STIM2: variants seen among roughly 807,000 people sequenced by gnomAD.
STIM2 encodes stromal interaction molecule 2.
In STIM2, 31 loss-of-function variants were observed where a neutral mutation model predicts 85.8. That is an observed-to-expected ratio of 0.36 (90% CI 0.27 to 0.49). The LOEUF (loss-of-function observed/expected upper bound fraction) is 0.49, where lower values mean the gene tolerates loss of function less well. STIM2 is among the 20% of genes least tolerant of loss of function. The probability of loss-of-function intolerance (pLI) is 0.98; values close to 1 mark genes in which losing one functional copy is unlikely to be tolerated. For synonymous variants in STIM2, 356 were observed against 331.1 expected (o/e 1.08, Z -0.82); for missense variants, 841 against 927.6 (o/e 0.91, Z 1.21).
rs554940517 is a variant in STIM2 at position 27,024,363 on chromosome 4, G to T, written c.*1367G>T. 6.6e-6 allele frequency: 1 copy of T among 152,254 alleles called. No homozygotes were observed. Among genetic ancestry groups the T allele is most frequent in the Non-Finnish European group, 1.5e-5 (1 of 68,018 alleles). The allele number at this position is 152,254 out of a possible 1,614,324, so 9.4% of individuals were successfully genotyped here. On this transcript the variant is annotated 3_prime_UTR_variant, in exon 12 of 12. Coordinates refer to ENST00000467087, the MANE Select transcript of STIM2 (RefSeq NM_020860.4). The stretch of plus-strand genomic sequence containing the variant: ...AAAAATATGCAATCATAAGTGATTT[G>T]GTTACTGCAATGCAGATGGATGTTT...
chr4:26,999,760 A>G (rs1052817530), intron 5 of STIM2, among the ~76,000 whole-genome samples: 3 of 152,206 alleles, frequency 2.0e-5, no homozygotes, highest in Non-Finnish European at 4.4e-5. Context: ...CACCAAGAAA[A>G]TGGATTTTTA....
chr4:26,903,410 T>C (rs1723999310), intron 1 of STIM2, among the ~76,000 whole-genome samples: 1 of 152,222 alleles, frequency 6.6e-6, no homozygotes. Flanking sequence ...GGTTTTGTTA[T>C]ACACACGTGC....
At position 26,873,879 on chromosome 4, in the gene STIM2, GCTC is replaced by G. The variant is rs1197106851; in HGVS notation, c.151+12513_151+12515del. The G allele has an allele frequency of 2.3e-6, 3 of 1,284,822 alleles. No individual in the cohort carries two copies. In the African/African-American group the frequency reaches 4.4e-5, roughly 19 times the overall value. The allele number at this position is 1,284,822 out of a possible 1,614,324, so 79.6% of individuals were successfully genotyped here. On this transcript the variant is annotated intron_variant, in intron 1 of 11. Coordinates refer to ENST00000467087, the MANE Select transcript of STIM2 (RefSeq NM_020860.4). ...CCCATCCGGGCAGAGAGGCAGTGAT[GCTC>G]CTTCTCCCAGGGGTCTGCGGCTGAG...
intron 7 of STIM2, 104 bp downstream of exon 7, chr4:27,003,208 G>C (rs760073122): frequency 1.8e-6 from 2 of 1,085,036 alleles, no homozygotes; most frequent in Non-Finnish European, 2.5e-6. Context: ...TTCCACTGTA[G>C]TTCCTCAGTT....
intron 3 of STIM2, among the ~76,000 whole-genome samples, chr4:26,981,227 C>T (rs1262249726): frequency 1.3e-5 from 2 of 152,112 alleles, no homozygotes; most frequent in African/African-American, 4.8e-5. Flanking sequence ...CTAATAAGTA[C>T]CCACCCCCCA....
chr4:26,868,786 G>T (rs901125556), intron 1 of STIM2, among the ~76,000 whole-genome samples: 1 of 151,822 alleles, frequency 6.6e-6, no homozygotes, highest in African/African-American at 2.4e-5. Flanking sequence ...CATTAATGAC[G>T]TGTATGTAAT....
intron 7 of STIM2, among the ~76,000 whole-genome samples, chr4:27,004,748 T>C (rs142460811): frequency 7.3e-4 from 111 of 152,316 alleles, no homozygotes; most frequent in African/African-American, 2.6e-3. Flanking sequence ...ATAATCTCAT[T>C]AGATCCTTGG....
chr4:27,003,454 A>G (rs1378596909), intron 7 of STIM2, among the ~76,000 whole-genome samples: 1 of 152,216 alleles, frequency 6.6e-6, no homozygotes, highest in Non-Finnish European at 1.5e-5. Context: ...CTTCTCTGCA[A>G]AGGTAAAGGA....
chr4:26,912,711 C>T (rs1724388232), intron 1 of STIM2, among the ~76,000 whole-genome samples: 1 of 152,174 alleles, frequency 6.6e-6, no homozygotes, highest in Non-Finnish European at 1.5e-5. Flanking sequence ...TCTGTCCCCA[C>T]TATCATTTCT....
chr4:26,906,000 T>C (rs928779500), intron 1 of STIM2, among the ~76,000 whole-genome samples: 4 of 152,150 alleles, frequency 2.6e-5, no homozygotes, highest in Admixed American at 2.0e-4. Context: ...AAAATACATA[T>C]AAGGCCAGTT....
intron 4 of STIM2, among the ~76,000 whole-genome samples, chr4:26,996,744 CAG>C (rs1362965059): frequency 2.0e-5 from 3 of 151,612 alleles, no homozygotes; most frequent in Non-Finnish European, 4.4e-5. Context: ...TAAATTAAAA[CAG>C]AGTCAAACAT....
intron 1 of STIM2, among the ~76,000 whole-genome samples, chr4:26,892,708 G>T (rs1723541796): frequency 6.6e-6 from 1 of 152,162 alleles, no homozygotes; most frequent in Non-Finnish European, 1.5e-5. Flanking sequence ...TTGTGGAAGG[G>T]AAAGTTGATC....
At chr4:26,861,472 T>C (rs2109418494) in intron 1 of STIM2, 103 bp downstream of exon 1, 1 of 1,232,312 alleles carries the variant, frequency 8.1e-7, no homozygotes, top group Non-Finnish European at 1.0e-6. Flanking sequence ...ATTCCGCGGC[T>C]CCGGCCAGGG....
At chr4:26,867,479 A>C (rs1214647618) in intron 1 of STIM2, among the ~76,000 whole-genome samples, 1 of 152,230 alleles carries the variant, frequency 6.6e-6, no homozygotes. Flanking sequence ...TATATTTGCC[A>C]TAAAATGCTT....
chr4:26,872,985 G>C (rs1722681010), intron 1 of STIM2, among the ~76,000 whole-genome samples: 1 of 152,122 alleles, frequency 6.6e-6, no homozygotes, highest in Non-Finnish European at 1.5e-5. Context: ...AAATGAAAGA[G>C]TATCATTTTG....
chr4:26,942,580 G>A (rs1036602682), intron 2 of STIM2, among the ~76,000 whole-genome samples: 1 of 152,018 alleles, frequency 6.6e-6, no homozygotes, highest in Non-Finnish European at 1.5e-5. Context: ...GCTTATTAGT[G>A]ATGTCCATGT....
chr4:26,881,362 A>G (rs1388804628), intron 1 of STIM2, among the ~76,000 whole-genome samples: 1 of 150,978 alleles, frequency 6.6e-6, no homozygotes, highest in African/African-American at 2.4e-5. Flanking sequence ...GCTACTTGGG[A>G]GGCTGAGGCA....
chr4:27,011,482 G>C (rs1055033296), intron 10 of STIM2, among the ~76,000 whole-genome samples: 1 of 152,062 alleles, frequency 6.6e-6, no homozygotes, highest in African/African-American at 2.4e-5. Flanking sequence ...GTTTCTCTGT[G>C]TGGACACCTA....
rs539614173 is a variant in STIM2, at chr4:26,876,322, C to T, written c.151+14953C>T. Among the ~76,000 whole-genome samples, 3 of 152,316 alleles carry T rather than the reference C, an allele frequency of 2.0e-5. No individual in the cohort carries two copies. The East Asian group carries it at 5.8e-4, about 29-fold the overall frequency. ...GTCTCTCCTGGCTCTGTTCCCACCA[C>T]TTAGGTAGGTCTTTGGATCGTAGCA... is the stretch of plus-strand genomic sequence containing the variant. On this transcript the variant is annotated intron_variant, in intron 1 of 11. Coordinates refer to ENST00000467087, the MANE Select transcript of STIM2 (RefSeq NM_020860.4).
Sources: allele counts gnomAD v4.1 joint callset (sites outside exome capture counted in the v4.1 genomes callset), GRCh38; gene constraint gnomAD v4.1.1; transcripts MANE v1.5; gene names NCBI Gene and HGNC (gene_info 2026-07-23, HGNC 2026-07-21).